PRICKLE1: variants seen among roughly 807,000 people sequenced by gnomAD.
PRICKLE1 encodes the protein prickle-like protein 1.
Under a neutral mutation model 70.2 loss-of-function variants are expected in PRICKLE1, and 14 were observed. That is an observed-to-expected ratio of 0.20 (90% CI 0.13 to 0.31). The LOEUF (loss-of-function observed/expected upper bound fraction) is 0.31. Ranked by LOEUF, PRICKLE1 falls within the 10% of genes least tolerant of loss-of-function variation. The pLI is 1.00. For missense variants in PRICKLE1, 821 were observed against 1,026.2 expected, an observed-to-expected ratio of 0.80 and a Z score of 2.73; for synonymous variants, 357 against 379.9, an observed-to-expected ratio of 0.94 and a Z score of 0.70.
chr12:42,474,259 G>A (rs547228702), intron 1 of PRICKLE1, among the ~76,000 whole-genome samples: 1 of 152,242 alleles, frequency 6.6e-6, no homozygotes, highest in East Asian at 1.9e-4. Context: ...GCGACAGAGC[G>A]AGACTCCGTC....
chr12:42,470,723 C>T (rs1433036145), intron 2 of PRICKLE1, among the ~76,000 whole-genome samples: 1 of 152,040 alleles, frequency 6.6e-6, no homozygotes, highest in Admixed American at 6.5e-5. Context: ...CTGACCAACA[C>T]GGTGAAACCC....
At chr12:42,528,798 C>T (rs1382499053) in intron 1 of PRICKLE1, among the ~76,000 whole-genome samples, 1 of 152,176 alleles carries the variant, frequency 6.6e-6, no homozygotes, top group Admixed American at 6.5e-5. Context: ...AAAATAATCA[C>T]ATATATAACA....
At chr12:42,578,061 G>A (rs1375580672) in intron 1 of PRICKLE1, among the ~76,000 whole-genome samples, 1 of 152,166 alleles carries the variant, frequency 6.6e-6, no homozygotes, top group East Asian at 1.9e-4. Flanking sequence ...GAATATGAAA[G>A]TGTTTTGTGT....
chr12:42,460,113 T>C lies in PRICKLE1; in HGVS notation c.2192A>G (p.Tyr731Cys), dbSNP rs567656128. 5.6e-6 allele frequency: 9 copies of C among 1,614,154 alleles called. No homozygotes were observed. In the South Asian group the frequency reaches 8.8e-5, roughly 16 times the overall value. ...IQAYIQNADL[Y>C]GQYAHATSDY... ...GGAAGTGGCATGGGCGTACTGTCCG[T>C]AGAGATCAGCATTCTGGATGTATGC... Residue 731 changes from tyrosine (Y) to cysteine (C), a missense_variant, in exon 8 of 8, where the codon TAC (tyrosine) becomes TGC (cysteine). Coordinates refer to ENST00000345127, the MANE Select transcript of PRICKLE1 (RefSeq NM_153026.3).
At chr12:42,584,439 T>C (rs112585464) in intron 1 of PRICKLE1, 6 of 152,344 alleles carry the variant, frequency 3.9e-5, no homozygotes, top group African/African-American at 1.2e-4. Context: ...AAAATTCCTT[T>C]ATTAAAAAGT....
In PRICKLE1 at chr12:42,495,418, G is replaced by GA. The variant is rs1491427782; in HGVS notation, c.-48-22855_-48-22854insT. Among the ~76,000 whole-genome samples the GA allele has an allele frequency of 3.5e-3, 522 of 148,912 alleles. 8 individuals are homozygous for GA. The highest frequency in any genetic ancestry group is 0.011 in the African/African-American group (441 of 39,692). On this transcript the variant is annotated intron_variant, in intron 1 of 7. Transcript: ENST00000345127. ...AAAAAAAAAGAGAGAGAGAGAGAGAGGTGTTGCGTCACCTCACTATGTTGC... is the reference window on the plus strand; with the variant it reads ...AAAAAAAAAGAGAGAGAGAGAGAGAGAGTGTTGCGTCACCTCACTATGTTGC...
At chr12:42,585,643 T>C (rs1216544625) in intron 1 of PRICKLE1, among the ~76,000 whole-genome samples, 2 of 152,146 alleles carry the variant, frequency 1.3e-5, no homozygotes, top group Admixed American at 1.3e-4. Context: ...GTAAAGCCTG[T>C]CTGGTTCGCC....
chr12:42,477,660 G>A (rs189115623), intron 1 of PRICKLE1, among the ~76,000 whole-genome samples: 2 of 151,622 alleles, frequency 1.3e-5, no homozygotes, highest in African/African-American at 4.8e-5. Context: ...TCTTCCTGAG[G>A]ATACCTAACC....
chr12:42,557,276 G>A (rs1182096204), intron 1 of PRICKLE1, among the ~76,000 whole-genome samples: 2 of 152,112 alleles, frequency 1.3e-5, no homozygotes, highest in African/African-American at 4.8e-5. Flanking sequence ...AAGCTTTTGT[G>A]GACTGGCTTG....
chr12:42,549,564 T>A (rs1159429072), intron 1 of PRICKLE1, among the ~76,000 whole-genome samples: 1 of 151,922 alleles, frequency 6.6e-6, no homozygotes, highest in Non-Finnish European at 1.5e-5. Context: ...ACATTCCCTA[T>A]CTCTAGAATG....
intron 1 of PRICKLE1, among the ~76,000 whole-genome samples, chr12:42,553,423 A>G (rs912607103): frequency 1.2e-4 from 18 of 146,226 alleles, no homozygotes; most frequent in African/African-American, 2.3e-4. Flanking sequence ...CAGCCTGGGC[A>G]ACAGAGCGAG....
intron 1 of PRICKLE1, among the ~76,000 whole-genome samples, chr12:42,529,316 A>G (rs1939866647): frequency 6.6e-6 from 1 of 152,272 alleles, no homozygotes; most frequent in Admixed American, 6.5e-5. Flanking sequence ...AGTTTAAAAT[A>G]GAATTAAACT....
chr12:42,464,440 T>G lies in PRICKLE1; in HGVS notation c.1594A>C (p.Ser532Arg). 1.9e-6 allele frequency: 3 copies of G among 1,614,070 alleles called. No individual in the cohort carries two copies. The highest frequency in any genetic ancestry group is 2.5e-6 in the Non-Finnish European group (3 of 1,180,026). ...ECLSDLKPEQ[S>R]VRDSMDSLAL... ...AAAGAATCCATCGAATCCCGAACAC[T>G]TTGCTCTGGTTTCAGGTCTGACAGA... is the stretch of plus-strand genomic sequence containing the variant. Residue 532 changes from serine to arginine, a missense_variant, in exon 7 of 8, where the codon AGT (serine) becomes CGT (arginine). Coordinates refer to ENST00000345127, the MANE Select transcript of PRICKLE1 (RefSeq NM_153026.3). The surrounding 1 kb of genome is among the most constrained non-coding windows in gnomAD (Gnocchi z 4.2).
intron 1 of PRICKLE1, among the ~76,000 whole-genome samples, chr12:42,554,124 A>C (rs1368213995): frequency 1.3e-5 from 2 of 152,180 alleles, no homozygotes. Context: ...CGAAACAAAC[A>C]AACCAACAAC....
At chr12:42,477,744 T>C (rs1555231855) in intron 1 of PRICKLE1, among the ~76,000 whole-genome samples, 1 of 151,798 alleles carries the variant, frequency 6.6e-6, no homozygotes, top group Non-Finnish European at 1.5e-5. Context: ...TCAGACCTAA[T>C]AGAAAAATTC....
At chr12:42,544,208 C>T (rs1268563974) in intron 1 of PRICKLE1, among the ~76,000 whole-genome samples, 1 of 152,180 alleles carries the variant, frequency 6.6e-6, no homozygotes, top group Non-Finnish European at 1.5e-5. Flanking sequence ...GGCTGCCTCA[C>T]TATTTACAAA....
At chr12:42,487,020 T>C (rs568589424) in intron 1 of PRICKLE1, among the ~76,000 whole-genome samples, 2 of 152,308 alleles carry the variant, frequency 1.3e-5, no homozygotes, top group South Asian at 4.1e-4. Flanking sequence ...ACTATGTAGA[T>C]AGGTATCTAA....
At chr12:42,513,272 T>C (rs563150256) in intron 1 of PRICKLE1, among the ~76,000 whole-genome samples, 8 of 152,178 alleles carry the variant, frequency 5.3e-5, no homozygotes, top group Middle Eastern at 3.4e-3. Context: ...CTGTCATCAT[T>C]TTGTTTGGTC....
intron 1 of PRICKLE1, among the ~76,000 whole-genome samples, chr12:42,581,862 A>C (rs1940907637): frequency 6.6e-6 from 1 of 152,210 alleles, no homozygotes; most frequent in Non-Finnish European, 1.5e-5. Context: ...CTTCCTGCCT[A>C]AACAGCCAAA....
Sources: gnomAD v4.1 joint callset for allele counts (sites outside exome capture counted in the v4.1 genomes callset) on GRCh38, gnomAD v4.1.1 for gene constraint, Gnocchi (gnomAD v3.1) non-coding constraint, MANE v1.5 for transcripts, NCBI Gene and HGNC (gene_info 2026-07-23, HGNC 2026-07-21) for gene names.